Variants in KLF8 observed in about 807,000 individuals in gnomAD.
KLF8 encodes the protein KLF transcription factor 8.
A neutral mutation model predicts 18.2 loss-of-function variants in KLF8; 10 were observed. The ratio of observed to expected loss-of-function variants is 0.55; its 90% CI spans 0.34 to 0.93. The LOEUF is 0.93. Among genes scored for constraint, KLF8 ranks in the 40% least tolerant of loss-of-function variants. The pLI is 0.02. For missense variants in KLF8, 264 were observed against 277.9 expected, an observed-to-expected ratio of 0.95 and a Z score of 0.36; for synonymous variants, 109 against 97.3, an observed-to-expected ratio of 1.12 and a Z score of -0.71.
the KLF8 span, among the ~76,000 whole-genome samples, chrX:56,039,472 T>G: frequency 8.9e-6 from 1 of 111,992 alleles, no homozygotes; most frequent in Non-Finnish European, 1.9e-5. Context: ...AGGGAATCCT[T>G]TCTCCATTGC....
At chrX:56,185,165 G>A in the KLF8 span, among the ~76,000 whole-genome samples, 6 of 111,991 alleles carry the variant, frequency 5.4e-5, no homozygotes, top group Admixed American at 9.5e-5. Flanking sequence ...AAATCAAGAC[G>A]GAGAAGTGGT....
At chrX:55,947,931 A>T in the KLF8 span, among the ~76,000 whole-genome samples, 4 of 112,279 alleles carry the variant, frequency 3.6e-5, no homozygotes, top group Non-Finnish European at 7.5e-5. Flanking sequence ...TTTTTGCTAG[A>T]GGTACAATTA....
At chrX:56,206,426 G>A in the KLF8 span, among the ~76,000 whole-genome samples, 1 of 112,257 alleles carries the variant, frequency 8.9e-6, no homozygotes, top group South Asian at 3.7e-4. Context: ...TACAATGGGA[G>A]TACGGGCATT....
the KLF8 span, among the ~76,000 whole-genome samples, chrX:56,209,871 C>T: frequency 1.8e-5 from 2 of 111,639 alleles, no homozygotes; most frequent in South Asian, 7.5e-4. Flanking sequence ...AACCCAATAA[C>T]AGTTTAACAC....
the KLF8 span, among the ~76,000 whole-genome samples, chrX:56,205,467 G>A: frequency 1.8e-5 from 2 of 111,462 alleles, no homozygotes; most frequent in Non-Finnish European, 1.9e-5. Context: ...GTATCATATT[G>A]ATTGATTTGC....
the KLF8 span, among the ~76,000 whole-genome samples, chrX:56,019,110 A>T: frequency 1.8e-5 from 2 of 111,895 alleles, no homozygotes; most frequent in Non-Finnish European, 3.8e-5. Context: ...ATCTGCTTTG[A>T]ATTCTGTATA....
the KLF8 span, among the ~76,000 whole-genome samples, chrX:56,223,382 A>G: frequency 8.9e-6 from 1 of 112,360 alleles, no homozygotes; most frequent in Non-Finnish European, 1.9e-5. Context: ...TACTCCAATT[A>G]TCATTAATAG....
chrX:56,093,741 T>C, the KLF8 span, among the ~76,000 whole-genome samples: 1 of 111,086 alleles, frequency 9.0e-6, no homozygotes, highest in Non-Finnish European at 1.9e-5. Flanking sequence ...TATTTAATAA[T>C]TACACATTTT....
At chrX:56,155,773 A>G in the KLF8 span, among the ~76,000 whole-genome samples, 1 of 111,245 alleles carries the variant, frequency 9.0e-6, no homozygotes, top group Non-Finnish European at 1.9e-5. Flanking sequence ...GATAGTGAAC[A>G]CAGTCACTGA....
the KLF8 span, among the ~76,000 whole-genome samples, chrX:56,153,227 G>T: frequency 1.8e-5 from 2 of 110,483 alleles, no homozygotes; most frequent in Non-Finnish European, 3.8e-5. Flanking sequence ...TGGGCATGGA[G>T]GTGCATGCCT....
chrX:55,963,611 A>G, the KLF8 span, among the ~76,000 whole-genome samples: 2 of 112,404 alleles, frequency 1.8e-5, no homozygotes, highest in Non-Finnish European at 3.8e-5. Flanking sequence ...TGGAGCACCC[A>G]GATACATAAA....
the KLF8 span, among the ~76,000 whole-genome samples, chrX:56,072,778 C>A: frequency 3.6e-5 from 4 of 111,324 alleles, no homozygotes; most frequent in Non-Finnish European, 7.5e-5. Flanking sequence ...TTATGTTGTA[C>A]AATCATCACT....
At chrX:56,171,691 A>G in the KLF8 span, among the ~76,000 whole-genome samples, 1,352 of 111,763 alleles carry the variant, frequency 0.012, 25 homozygotes, top group African/African-American at 0.043. Flanking sequence ...AACCCTACAA[A>G]GGACATGAAC....
At chrX:55,921,046 A>G in the KLF8 span, among the ~76,000 whole-genome samples, 1 of 112,453 alleles carries the variant, frequency 8.9e-6, no homozygotes, top group African/African-American at 3.2e-5. Flanking sequence ...ATCTAATTAA[A>G]GAGCTTCTGC....
chrX:56,161,178 G>C, the KLF8 span, among the ~76,000 whole-genome samples: 1 of 111,466 alleles, frequency 9.0e-6, no homozygotes, highest in Non-Finnish European at 1.9e-5. Context: ...TGAAATTCTG[G>C]GTTGAAAATT....
At chrX:56,023,467 G>A in the KLF8 span, among the ~76,000 whole-genome samples, 1 of 111,599 alleles carries the variant, frequency 9.0e-6, no homozygotes, top group Non-Finnish European at 1.9e-5. Context: ...TGAATATCAT[G>A]GCCAAAGTGG....
intron 5 of KLF8, among the ~76,000 whole-genome samples, chrX:56,271,976 G>A (rs2067063086): frequency 9.0e-6 from 1 of 111,588 alleles, no homozygotes. Flanking sequence ...TCTTTCCTAT[G>A]TCACCTCTCG....
At chrX:56,282,627 A>T (rs2067216738) in intron 5 of KLF8, among the ~76,000 whole-genome samples, 2 of 112,019 alleles carry the variant, frequency 1.8e-5, no homozygotes, top group South Asian at 7.5e-4. Flanking sequence ...CAGAATTTAG[A>T]ACAGCATAAA....
At chrX:55,937,422 GA>G in the KLF8 span, among the ~76,000 whole-genome samples, 3 of 111,059 alleles carry the variant, frequency 2.7e-5, no homozygotes, top group Non-Finnish European at 5.7e-5. Flanking sequence ...CAAAGATGGG[GA>G]AAAAACAGAG....
Sources: allele counts gnomAD v4.1 joint callset (sites outside exome capture counted in the v4.1 genomes callset), GRCh38; gene constraint gnomAD v4.1.1; transcripts MANE v1.5; gene names NCBI Gene and HGNC (gene_info 2026-07-23, HGNC 2026-07-21).